The following MUC7 variants were observed in gnomAD, a reference collection of about 807,000 sequenced individuals.
The protein encoded by MUC7 is mucin-7.
MUC7 carries 2 observed loss-of-function variants against 2.5 expected under a neutral mutation model. That is an observed-to-expected ratio of 0.81 (90% confidence interval 0.33 to 2.55). MUC7 has a LOEUF of 2.55. MUC7 is among the 30% of genes most tolerant of loss of function. MUC7 has a pLI of 0.11. For missense variants in MUC7, 408 were observed against 455.6 expected (o/e 0.90, Z 0.95); for synonymous variants, 133 against 173.4 (o/e 0.77, Z 1.83).
intron 1 of MUC7, among the ~76,000 whole-genome samples, chr4:70,450,733 A>C (rs1455696153): frequency 6.6e-6 from 1 of 152,034 alleles, no homozygotes; most frequent in African/African-American, 2.4e-5. Flanking sequence ...GTGTGTCAAG[A>C]AAGGTTTTCT....
Position 70,438,456 on chromosome 4 carries a change from T to TTTTGTTTTGG in MUC7, c.-93+7773_-93+7774insTTTTGGTTTG, listed in dbSNP as rs1553917928. Among the ~76,000 whole-genome samples, 152 of 151,468 alleles carry TTTTGTTTTGG rather than the reference T, an allele frequency of 1.0e-3. 1 individual carries two copies. The highest frequency in any genetic ancestry group is 3.4e-3 in the African/African-American group (141 of 41,182). On this transcript the variant is annotated intron_variant, in intron 1 of 3. Transcript: ENST00000413702. ...TTTTGTTTTGTTTTGTTTTGTTTTG[T>TTTTGTTTTGG]TTTGGTTTGGTTTGGTTTTGAGACA...
chr4:70,460,181 A>G (rs951496710), intron 1 of MUC7, among the ~76,000 whole-genome samples: 2 of 152,150 alleles, frequency 1.3e-5, no homozygotes, highest in African/African-American at 4.8e-5. Flanking sequence ...AGACGGCTAG[A>G]TGTAAGGGAA....
intron 2 of MUC7, among the ~76,000 whole-genome samples, chr4:70,476,956 A>T (rs6824497): frequency 0.26 from 39,770 of 152,116 alleles, 5,458 homozygotes; most frequent in South Asian, 0.39. Flanking sequence ...AAAGACTTGA[A>T]GGGATGTATT....
chr4:70,469,376 G>A (rs181261170), upstream of MUC7, among the ~76,000 whole-genome samples: 3 of 152,242 alleles, frequency 2.0e-5, no homozygotes, highest in East Asian at 5.8e-4. Context: ...AACACCAAAG[G>A]CAATGGCAAC....
chr4:70,463,213 A>G (rs746782782), intron 1 of MUC7, among the ~76,000 whole-genome samples: 2 of 152,106 alleles, frequency 1.3e-5, no homozygotes, highest in Admixed American at 1.3e-4. Context: ...AAAAAATCCT[A>G]AAATAATATT....
intron 1 of MUC7, among the ~76,000 whole-genome samples, chr4:70,442,557 C>T (rs1734035807): frequency 6.6e-6 from 1 of 152,172 alleles, no homozygotes; most frequent in African/African-American, 2.4e-5. Flanking sequence ...GCATGGTCAC[C>T]ATTTGTAGGA....
upstream of MUC7, among the ~76,000 whole-genome samples, chr4:70,469,180 G>T (rs996797430): frequency 3.9e-5 from 6 of 152,214 alleles, no homozygotes; most frequent in Non-Finnish European, 7.3e-5. Context: ...GTAATAAACG[G>T]TGTTGGGAAA....
intron 1 of MUC7, among the ~76,000 whole-genome samples, chr4:70,460,423 G>A (rs991527353): frequency 6.6e-5 from 10 of 152,090 alleles, no homozygotes; most frequent in African/African-American, 2.2e-4. Context: ...AAGGTGATGG[G>A]GCCTCAGGAG....
upstream of MUC7, among the ~76,000 whole-genome samples, chr4:70,468,362 C>T (rs908993316): frequency 7.9e-5 from 12 of 152,116 alleles, no homozygotes; most frequent in African/African-American, 2.7e-4. Context: ...GACAAGGATG[C>T]CCTCTCTCAC....
chr4:70,479,932 G>C (rs1735117157), intron 2 of MUC7, among the ~76,000 whole-genome samples: 1 of 152,168 alleles, frequency 6.6e-6, no homozygotes, highest in South Asian at 2.1e-4. Flanking sequence ...CTCTCTACCA[G>C]GCGGCCTTAG....
chr4:70,440,624 A>C (rs1733978529), intron 1 of MUC7, among the ~76,000 whole-genome samples: 1 of 152,232 alleles, frequency 6.6e-6, no homozygotes, highest in Admixed American at 6.5e-5. Flanking sequence ...AAGAAAAGAC[A>C]CATTTAAGGT....
At chr4:70,444,145 A>G (rs1734069418) in intron 1 of MUC7, among the ~76,000 whole-genome samples, 1 of 152,194 alleles carries the variant, frequency 6.6e-6, no homozygotes, top group Non-Finnish European at 1.5e-5. Flanking sequence ...CTGAGGCTAT[A>G]GCTACCTTAT....
upstream of MUC7, among the ~76,000 whole-genome samples, chr4:70,467,876 T>C (rs1370530124): frequency 2.0e-5 from 3 of 151,674 alleles, no homozygotes; most frequent in Non-Finnish European, 2.9e-5. Flanking sequence ...TTCCAAACAA[T>C]AGAAAAAAAG....
chr4:70,451,251 A>G (rs936654989), intron 1 of MUC7, among the ~76,000 whole-genome samples: 1 of 152,226 alleles, frequency 6.6e-6, no homozygotes, highest in Non-Finnish European at 1.5e-5. Context: ...TCCATGTCTC[A>G]CAATTGCTGT....
chr4:70,454,650 G>C (rs1014541617), intron 1 of MUC7, among the ~76,000 whole-genome samples: 2 of 152,154 alleles, frequency 1.3e-5, no homozygotes, highest in East Asian at 3.9e-4. Flanking sequence ...TGGTTCTTTG[G>C]AAGGTCCTTT....
At chr4:70,480,699 C>T in intron 2 of MUC7, 100 bp from the exon 3 acceptor site, 1 of 1,253,128 alleles carries the variant, frequency 8.0e-7, no homozygotes. Flanking sequence ...TTTCTAATCC[C>T]AGCATTCCAC....
chr4:70,437,879 A>T (rs1319903506), intron 1 of MUC7, among the ~76,000 whole-genome samples: 1 of 125,024 alleles, frequency 8.0e-6, no homozygotes, highest in East Asian at 1.9e-4. Context: ...AGCTGCTTTT[A>T]AAAAAATCTA....
chr4:70,481,876 T>A lies in MUC7; in HGVS notation c.1132T>A (p.Ter378LysextTer31). 1 of 1,612,958 alleles carries A rather than the reference T, an allele frequency of 6.2e-7. No homozygotes were observed. ...AATTATTGACGACATGGTGGAGCAATAGTATATTGTATGTTGTAAAGTGTT... is the reference window on the plus strand; with the variant it reads ...AATTATTGACGACATGGTGGAGCAAAAGTATATTGTATGTTGTAAAGTGTT... ...NRIIDDMVEQ[*>K] The change falls in exon 3 of 3, where the codon TAG becomes AAG. Residue 378 changes from the stop codon to lysine (K), a stop_lost. Transcript: ENST00000304887.
At position 70,448,304 on chromosome 4, in the gene MUC7, G is replaced by C. The variant is rs1734193523; in HGVS notation, c.-93+17617G>C. Among the ~76,000 whole-genome samples the C allele has an allele frequency of 2.0e-5, 3 of 152,154 alleles. No homozygotes were observed. The South Asian group carries it at 6.2e-4, about 31-fold the overall frequency. ...TACCTTTCTTTTGGGTATACACCTA[G>C]CAGTGGAATTGCTAGATCGTATGCT... On this transcript the variant is annotated intron_variant, in intron 1 of 3. Transcript: ENST00000413702.
Sources: gnomAD v4.1 joint callset for allele counts (sites outside exome capture counted in the v4.1 genomes callset) on GRCh38, gnomAD v4.1.1 for gene constraint, MANE v1.5 for transcripts, NCBI Gene and HGNC (gene_info 2026-07-23, HGNC 2026-07-21) for gene names.